The following GABRG3 variants were observed in gnomAD, a reference collection of about 807,000 sequenced individuals.
GABRG3 encodes gamma-aminobutyric acid receptor subunit gamma-3.
GABRG3 carries 25 observed loss-of-function variants against 48.8 expected under a neutral mutation model. That is an observed-to-expected ratio of 0.51 (90% CI 0.37 to 0.72). GABRG3 has a LOEUF of 0.72. Among genes scored for constraint, GABRG3 ranks in the 30% least tolerant of loss-of-function variants. The pLI is 0.00. For missense variants in GABRG3, 394 were observed against 577.9 expected (o/e 0.68, Z 3.26); for synonymous variants, 227 against 217.6 (o/e 1.04, Z -0.38).
At chr15:27,344,442 A>C (rs1029774703) in intron 5 of GABRG3, among the ~76,000 whole-genome samples, 3 of 152,176 alleles carry the variant, frequency 2.0e-5, no homozygotes, top group Non-Finnish European at 2.9e-5. Context: ...TGTCTTTCTA[A>C]AGAAGTTTCA....
At chr15:27,142,641 T>G (rs1333972486) in intron 3 of GABRG3, among the ~76,000 whole-genome samples, 4 of 152,208 alleles carry the variant, frequency 2.6e-5, no homozygotes, top group Non-Finnish European at 5.9e-5. Context: ...TTACCGTGCA[T>G]GACTTTTCCC....
chr15:27,422,588 G>A (rs751484920), intron 5 of GABRG3, among the ~76,000 whole-genome samples: 1 of 152,228 alleles, frequency 6.6e-6, no homozygotes, highest in Non-Finnish European at 1.5e-5. Context: ...GCATCCATGG[G>A]AGTGGGTTAT....
chr15:27,385,374 C>T (rs1024308301), intron 5 of GABRG3, among the ~76,000 whole-genome samples: 4 of 151,020 alleles, frequency 2.6e-5, no homozygotes, highest in Non-Finnish European at 2.9e-5. Flanking sequence ...TCCTACTTGG[C>T]GTTTCTTAAG....
intron 3 of GABRG3, among the ~76,000 whole-genome samples, chr15:27,055,125 C>T (rs936281846): frequency 6.6e-6 from 1 of 151,604 alleles, no homozygotes; most frequent in East Asian, 2.0e-4. Flanking sequence ...CAAAAGAAGG[C>T]TGTGTAATAG....
intron 3 of GABRG3, among the ~76,000 whole-genome samples, chr15:27,125,455 A>G (rs1897803969): frequency 6.6e-6 from 1 of 152,248 alleles, no homozygotes; most frequent in Admixed American, 6.5e-5. Context: ...AATTTATTGC[A>G]TATTTTCAAG....
chr15:27,441,209 C>A (rs1249631565), intron 5 of GABRG3, among the ~76,000 whole-genome samples: 1 of 152,178 alleles, frequency 6.6e-6, no homozygotes, highest in Non-Finnish European at 1.5e-5. Flanking sequence ...CTGCAATTTT[C>A]TTTTTCAAAG....
chr15:27,234,209 AT>A (rs1473627115), intron 3 of GABRG3, among the ~76,000 whole-genome samples: 1 of 152,136 alleles, frequency 6.6e-6, no homozygotes, highest in Non-Finnish European at 1.5e-5. Flanking sequence ...CTGGATTCTT[AT>A]TTTTTGGAAA....
intron 5 of GABRG3, chr15:27,422,438 C>T (rs1243619853): frequency 2.0e-5 from 3 of 152,212 alleles, no homozygotes; most frequent in African/African-American, 7.2e-5. Context: ...TCTAAGGTAT[C>T]GATGGGAGTG....
chr15:27,493,837 T>C (rs934097727), intron 6 of GABRG3, among the ~76,000 whole-genome samples: 11 of 152,172 alleles, frequency 7.2e-5, no homozygotes, highest in African/African-American at 2.7e-4. Flanking sequence ...TGATTATTTG[T>C]TGCGGTGAAA....
intron 5 of GABRG3, among the ~76,000 whole-genome samples, chr15:27,410,645 A>T (rs988737011): frequency 1.3e-5 from 2 of 152,078 alleles, no homozygotes; most frequent in African/African-American, 4.8e-5. Context: ...CCTTTTATTT[A>T]ACCTTTAGTA....
intron 5 of GABRG3, among the ~76,000 whole-genome samples, chr15:27,459,283 T>A (rs547370214): frequency 1.3e-5 from 2 of 152,318 alleles, no homozygotes; most frequent in South Asian, 2.1e-4. Context: ...AGCATCAAGG[T>A]GAGCACACAT....
At chr15:27,364,113 T>G (rs1278381887) in intron 5 of GABRG3, 1 of 152,256 alleles carries the variant, frequency 6.6e-6, no homozygotes, top group Non-Finnish European at 1.5e-5. Context: ...CATGTAATTG[T>G]GCAGTGACTT....
intron 3 of GABRG3, among the ~76,000 whole-genome samples, chr15:27,249,864 G>A (rs1448019128): frequency 6.6e-6 from 1 of 152,076 alleles, no homozygotes; most frequent in African/African-American, 2.4e-5. Flanking sequence ...ATTCAATTAG[G>A]TGCATTAAGA....
intron 5 of GABRG3, among the ~76,000 whole-genome samples, chr15:27,392,669 A>T (rs1273817332): frequency 6.6e-6 from 1 of 152,154 alleles, no homozygotes; most frequent in Non-Finnish European, 1.5e-5. Context: ...ATTATTCTAT[A>T]CCTCCTGAAG....
intron 6 of GABRG3, among the ~76,000 whole-genome samples, chr15:27,486,787 T>C (rs1426726920): frequency 6.6e-6 from 1 of 152,190 alleles, no homozygotes; most frequent in African/African-American, 2.4e-5. Flanking sequence ...ATACAAATAT[T>C]GCCTATTATT....
At chr15:27,090,387 G>A (rs191259101) in intron 3 of GABRG3, among the ~76,000 whole-genome samples, 1 of 152,302 alleles carries the variant, frequency 6.6e-6, no homozygotes, top group East Asian at 1.9e-4. Context: ...ATTGTAAGCT[G>A]AGCAGCACCT....
chr15:27,513,375 G>A (rs113416319), intron 6 of GABRG3, among the ~76,000 whole-genome samples: 12,670 of 151,728 alleles, frequency 0.084, 1,195 homozygotes, highest in African/African-American at 0.22. Flanking sequence ...GCGTGAACCT[G>A]GGAGGCGGAG....
chr15:27,245,559 A>G (rs1890243953), intron 3 of GABRG3, among the ~76,000 whole-genome samples: 1 of 152,210 alleles, frequency 6.6e-6, no homozygotes, highest in Non-Finnish European at 1.5e-5. Context: ...CTATTAAGGA[A>G]TACCTGAGAC....
chr15:27,147,782 C>G (rs1898236634), intron 3 of GABRG3, among the ~76,000 whole-genome samples: 1 of 151,818 alleles, frequency 6.6e-6, no homozygotes, highest in Non-Finnish European at 1.5e-5. Context: ...TTTAAAAATG[C>G]AGAAACACAG....
Sources: gnomAD v4.1 joint callset for allele counts (sites outside exome capture counted in the v4.1 genomes callset) on GRCh38, gnomAD v4.1.1 for gene constraint, MANE v1.5 for transcripts, NCBI Gene and HGNC (gene_info 2026-07-23, HGNC 2026-07-21) for gene names.